ACSS3: variants seen among roughly 807,000 people sequenced by gnomAD.
ACSS3 encodes acyl-CoA synthetase short chain family member 3.
In ACSS3, 64 loss-of-function variants were observed where a neutral mutation model predicts 84.2. That is an observed-to-expected ratio of 0.76 (90% confidence interval 0.62 to 0.94). The LOEUF is 0.94. Among genes scored for constraint, ACSS3 ranks in the 40% least tolerant of loss-of-function variants. ACSS3 has a pLI of 0.00. For missense variants in ACSS3, 815 were observed against 867.6 expected (o/e 0.94, Z 0.76); for synonymous variants, 317 against 310.1 (o/e 1.02, Z -0.23).
At chr12:81,230,619 T>G (rs2033425851) in intron 11 of ACSS3, among the ~76,000 whole-genome samples, 1 of 151,858 alleles carries the variant, frequency 6.6e-6, no homozygotes, top group Admixed American at 6.6e-5. Context: ...ACTGGGTGCT[T>G]AATTAGAATA....
chr12:81,222,877 A>G (rs1006170424), intron 11 of ACSS3, among the ~76,000 whole-genome samples: 1 of 152,068 alleles, frequency 6.6e-6, no homozygotes, highest in Non-Finnish European at 1.5e-5. Context: ...AGTAGAAGTG[A>G]GAACTTCATG....
At chr12:81,098,098 G>A (rs1219950913) in intron 1 of ACSS3, among the ~76,000 whole-genome samples, 1 of 151,302 alleles carries the variant, frequency 6.6e-6, no homozygotes, top group East Asian at 1.9e-4. Context: ...GTGCACATAA[G>A]GTGAATTGGC....
At position 81,095,045 on chromosome 12, in the gene ACSS3, GC is replaced by G. The variant is rs1169903803; in HGVS notation, c.312-14514del. Among the ~76,000 whole-genome samples the G allele has an allele frequency of 5.3e-5, 8 of 152,150 alleles. No individual in the cohort carries two copies. In the East Asian group the frequency reaches 1.5e-3, roughly 29 times the overall value. ...CTTCTGTTTTTTCCAACAAATACTA[GC>G]TGTCATTAGGCAGAGTACACCCTCC... On this transcript the variant is annotated intron_variant, in intron 1 of 15. Transcript: ENST00000548058.
chr12:81,209,610 A>T (rs2032503945), intron 9 of ACSS3, among the ~76,000 whole-genome samples: 1 of 152,114 alleles, frequency 6.6e-6, no homozygotes, highest in African/African-American at 2.4e-5. Context: ...CTCACACAAG[A>T]TTGAATTCAG....
In ACSS3 at chr12:81,215,863, C is replaced by G. The variant is rs555161471; in HGVS notation, c.1355-1038C>G. On this transcript the variant is annotated intron_variant, in intron 9 of 15. Coordinates refer to ENST00000548058, the MANE Select transcript of ACSS3 (RefSeq NM_024560.4). ...TGGTAATCAGGTAATAGCTAATATT[C>G]TGGCTGTTACAACTTGAGACACAGA... Among the ~76,000 whole-genome samples the G allele has an allele frequency of 1.1e-3, 170 of 152,240 alleles. 1 individual carries two copies. The highest frequency in any genetic ancestry group is 3.4e-3 in the Middle Eastern group (1 of 294).
chr12:81,139,253 T>A lies in ACSS3; in HGVS notation c.768T>A (p.Asn256Lys), dbSNP rs775506136. Residue 256 changes from asparagine (N) to lysine (K), a missense_variant, in exon 4 of 16, where the codon AAT (asparagine) becomes AAA (lysine). Physicochemically the swap from Asn to Lys is moderately conservative, Grantham distance 94. Coordinates refer to ENST00000548058, the MANE Select transcript of ACSS3 (RefSeq NM_024560.4). Reference protein sequence around the residue: ...QHKPDKILIYNRPNMEAVPLA... With the variant: ...QHKPDKILIYKRPNMEAVPLA... ...AACCAGACAAAATTCTCATTTATAA[T>A]CGTCCAAATATGGTAATCTGAATAT... 7.4e-6 allele frequency: 12 copies of A among 1,613,906 alleles called. No homozygotes were observed. The South Asian group carries it at 1.1e-4, about 15-fold the overall frequency.
chr12:81,192,309 A>G (rs1286700843), intron 8 of ACSS3, among the ~76,000 whole-genome samples: 4 of 152,176 alleles, frequency 2.6e-5, no homozygotes, highest in Admixed American at 1.3e-4. Flanking sequence ...TGAATCTGGG[A>G]GGCAAGGTTA....
intron 9 of ACSS3, among the ~76,000 whole-genome samples, chr12:81,206,533 G>A (rs990242698): frequency 5.9e-5 from 9 of 151,880 alleles, no homozygotes; most frequent in Admixed American, 5.3e-4. Flanking sequence ...TTTAACATGA[G>A]AAGTTGTGAT....
At chr12:81,242,331 A>G (rs1008874519) in intron 13 of ACSS3, among the ~76,000 whole-genome samples, 2 of 152,174 alleles carry the variant, frequency 1.3e-5, no homozygotes, top group Non-Finnish European at 2.9e-5. Context: ...CTCTGAATAG[A>G]CCAATAACAG....
At chr12:81,186,898 A>G (rs1714426992) in intron 8 of ACSS3, among the ~76,000 whole-genome samples, 1 of 151,840 alleles carries the variant, frequency 6.6e-6, no homozygotes, top group South Asian at 2.1e-4. Flanking sequence ...TCATGAACAT[A>G]TTTGCATTCC....
At chr12:81,181,603 C>T (rs1409416759) in intron 8 of ACSS3, among the ~76,000 whole-genome samples, 1 of 151,480 alleles carries the variant, frequency 6.6e-6, no homozygotes, top group Non-Finnish European at 1.5e-5. Flanking sequence ...CTTAAGAAAA[C>T]CAAGAGAGAC....
chr12:81,087,733 C>A (rs1881413164), intron 1 of ACSS3, among the ~76,000 whole-genome samples: 1 of 151,990 alleles, frequency 6.6e-6, no homozygotes, highest in Admixed American at 6.6e-5. Context: ...ACCACAAATA[C>A]CTAGACTGTG....
chr12:81,216,791 C>A, intron 9 of ACSS3, 110 bp from the exon 10 acceptor site: 1 of 773,870 alleles, frequency 1.3e-6, no homozygotes, highest in Non-Finnish European at 2.1e-6. Flanking sequence ...CTATTCCTAA[C>A]ACAGCTGCAT....
chr12:81,237,201 G>A (rs2033659807), intron 13 of ACSS3, among the ~76,000 whole-genome samples: 2 of 151,618 alleles, frequency 1.3e-5, no homozygotes, highest in East Asian at 3.9e-4. Context: ...AGAAGATAGT[G>A]AGCCAATCTC....
In ACSS3 at chr12:81,078,096, C is replaced by A; in HGVS notation, c.-25C>A. 1.4e-6 allele frequency: 2 copies of A among 1,458,442 alleles called. No individual in the cohort carries two copies. The highest frequency in any genetic ancestry group is 2.8e-5 in the Admixed American group (1 of 35,294). 90.3% of individuals were successfully genotyped at this position (1,458,442 alleles called of 1,614,324 possible). A position where few individuals can be genotyped will look rare whatever the true frequency, so the allele number is the denominator to read the frequency against. ...GCAAGAGTACCATTTGTCGCACACTCGGGGACCGCGGGTGGCCGGAGGAGA... is the reference window on the plus strand; with the variant it reads ...GCAAGAGTACCATTTGTCGCACACTAGGGGACCGCGGGTGGCCGGAGGAGA... On this transcript the variant is annotated 5_prime_UTR_variant, in exon 1 of 16. Transcript: ENST00000548058.
At chr12:81,214,566 ATAAT>A (rs1367129194) in intron 9 of ACSS3, among the ~76,000 whole-genome samples, 7 of 152,218 alleles carry the variant, frequency 4.6e-5, no homozygotes, top group African/African-American at 1.2e-4. Context: ...TTATAAATAA[ATAAT>A]TACTATAGAA....
chr12:81,185,115 C>T (rs1223988024), intron 8 of ACSS3, among the ~76,000 whole-genome samples: 2 of 151,638 alleles, frequency 1.3e-5, no homozygotes, highest in African/African-American at 2.4e-5. Context: ...TTAACAGGAT[C>T]ATCATAATTA....
Position 81,258,350 on chromosome 12 carries a change from A to C in ACSS3, c.*3428A>C. ...CTGAATCTGTTAAATAAAAATAGAC[A>C]TCAAAACAAATGTAATGTACGTGCA... is the stretch of plus-strand genomic sequence containing the variant. On this transcript the variant is annotated 3_prime_UTR_variant, in exon 16 of 16. Transcript: ENST00000548058. The C allele has an allele frequency of 6.6e-6, 1 of 152,172 alleles. No homozygotes were observed. The allele number at this position is 152,172 out of a possible 1,614,324, so 9.4% of individuals were successfully genotyped here. A position where few individuals can be genotyped will look rare whatever the true frequency, so the allele number is the denominator to read the frequency against.
intron 1 of ACSS3, among the ~76,000 whole-genome samples, chr12:81,101,836 C>CTT (rs149332414): frequency 8.6e-5 from 13 of 150,952 alleles, no homozygotes; most frequent in African/African-American, 3.2e-4. Flanking sequence ...GGTTGAGCAT[C>CTT]TTTTTTTTTA....
Sources: allele counts gnomAD v4.1 joint callset (sites outside exome capture counted in the v4.1 genomes callset), GRCh38; gene constraint gnomAD v4.1.1; transcripts MANE v1.5; gene names NCBI Gene and HGNC (gene_info 2026-07-23, HGNC 2026-07-21).